Variants in MEGF11 observed in about 807,000 individuals in gnomAD.
The protein encoded by MEGF11 is multiple epidermal growth factor-like domains protein 11.
A neutral mutation model predicts 146.6 loss-of-function variants in MEGF11; 126 were observed. That is an observed-to-expected ratio of 0.86 (90% CI 0.74 to 1.00). The LOEUF (loss-of-function observed/expected upper bound fraction) is 1.00, where lower values mean the gene tolerates loss of function less well. Ranked by LOEUF, MEGF11 falls within the 50% of genes least tolerant of loss-of-function variation. The probability of loss-of-function intolerance (pLI) is 0.00; values close to 1 mark genes in which losing one functional copy is unlikely to be tolerated. For missense variants in MEGF11, 1,509 were observed against 1,521.2 expected, an observed-to-expected ratio of 0.99 and a Z score of 0.13; for synonymous variants, 532 against 583.4, an observed-to-expected ratio of 0.91 and a Z score of 1.27.
rs77078737 is a variant in MEGF11 at position 66,071,792 on chromosome 15, C to T, written c.394+22610G>A. Among the ~76,000 whole-genome samples the T allele has an allele frequency of 5.5e-3, 836 of 152,340 alleles. 7 individuals carry two copies. The highest frequency in any genetic ancestry group is 0.019 in the African/African-American group (805 of 41,572). On this transcript the variant is annotated intron_variant, in intron 5 of 25. Coordinates refer to ENST00000395614, the MANE Select transcript of MEGF11 (RefSeq NM_001385028.1). ...ATTAAAAGAAAGCTGGTTCCAACTC[C>T]GCATTCCTCCCTGCCCATAGTTCTT...
intron 24 of MEGF11, among the ~76,000 whole-genome samples, chr15:65,901,188 C>T (rs561624674): frequency 8.6e-4 from 131 of 152,252 alleles, no homozygotes; most frequent in African/African-American, 3.0e-3. Context: ...CCAAGAACCC[C>T]AGCATGGCCC....
intron 1 of MEGF11, among the ~76,000 whole-genome samples, chr15:66,148,860 C>T (rs1427245611): frequency 2.0e-5 from 3 of 152,226 alleles, no homozygotes; most frequent in African/African-American, 7.2e-5. Flanking sequence ...GTCTGTCCCA[C>T]CACTTCACTC....
rs140138548 is a variant in MEGF11 at position 65,990,278 on chromosome 15, C to T, written c.395-7790G>A. 4.3e-3 allele frequency among the ~76,000 whole-genome samples: 649 copies of T among 152,212 alleles called. 12 individuals carry two copies. The highest frequency in any genetic ancestry group is 0.015 in the African/African-American group (607 of 41,540). ...CCATTCAGAAATACTGGGCCAGATGCGGTGGCTCACACCTGTAATCCCAAC... is the reference window on the plus strand; with the variant it reads ...CCATTCAGAAATACTGGGCCAGATGTGGTGGCTCACACCTGTAATCCCAAC... On this transcript the variant is annotated intron_variant, in intron 5 of 25. Transcript: ENST00000395614.
intron 5 of MEGF11, among the ~76,000 whole-genome samples, chr15:66,071,834 A>G (rs1185634489): frequency 6.6e-6 from 1 of 152,176 alleles, no homozygotes; most frequent in African/African-American, 2.4e-5. Flanking sequence ...ATGGGGCAAT[A>G]TGTGTCATCT....
intron 13 of MEGF11, among the ~76,000 whole-genome samples, chr15:65,924,349 G>A (rs1596847431): frequency 6.7e-6 from 1 of 149,796 alleles, no homozygotes; most frequent in Non-Finnish European, 1.5e-5. Flanking sequence ...GGAAATGGTT[G>A]CGGGTGGGTA....
intron 1 of MEGF11, among the ~76,000 whole-genome samples, chr15:66,168,857 G>T (rs750752251): frequency 2.0e-5 from 3 of 152,100 alleles, no homozygotes; most frequent in African/African-American, 7.2e-5. Flanking sequence ...GCGTGGTGGC[G>T]CATGCCTGTA....
intron 1 of MEGF11, among the ~76,000 whole-genome samples, chr15:66,203,321 T>C (rs909816706): frequency 6.6e-6 from 1 of 152,136 alleles, no homozygotes; most frequent in Non-Finnish European, 1.5e-5. Context: ...TTCTTTGCAG[T>C]GGAAGGGAAA....
chr15:66,098,880 C>G (rs912469176), intron 4 of MEGF11, among the ~76,000 whole-genome samples: 1 of 152,190 alleles, frequency 6.6e-6, no homozygotes, highest in Non-Finnish European at 1.5e-5. Context: ...AAGGGGAATT[C>G]TAAAACACTT....
At chr15:66,148,849 C>T (rs144475796) in intron 1 of MEGF11, among the ~76,000 whole-genome samples, 327 of 152,316 alleles carry the variant, frequency 2.1e-3, no homozygotes, top group African/African-American at 7.2e-3. Context: ...AGGCAGGAAC[C>T]GTCTGTCCCA....
intron 5 of MEGF11, among the ~76,000 whole-genome samples, chr15:66,063,625 T>C (rs1202803683): frequency 2.6e-5 from 4 of 152,140 alleles, no homozygotes; most frequent in African/African-American, 9.7e-5. Flanking sequence ...TCTGCCTGGG[T>C]ACAAGGGCCC....
At chr15:65,917,566 A>G (rs1414281699) in intron 16 of MEGF11, among the ~76,000 whole-genome samples, 1 of 152,084 alleles carries the variant, frequency 6.6e-6, no homozygotes. Flanking sequence ...CATCATTCAC[A>G]TGGGCCACCC....
chr15:66,145,232 ACT>A, intron 1 of MEGF11, among the ~76,000 whole-genome samples: 1 of 152,120 alleles, frequency 6.6e-6, no homozygotes, highest in East Asian at 1.9e-4. Flanking sequence ...TCTAATGATA[ACT>A]CTGTGAGCTG....
rs79112253 is a variant in MEGF11 at position 66,052,094 on chromosome 15, A to G, written c.394+42308T>C. ...GCGCACAGGTGAGATTTATGTGGGTAGGGGTGAGCATCCATCATCCCCACT... is the reference window on the plus strand; with the variant it reads ...GCGCACAGGTGAGATTTATGTGGGTGGGGGTGAGCATCCATCATCCCCACT... On this transcript the variant is annotated intron_variant, in intron 5 of 25. Transcript: ENST00000395614. 3.4e-3 allele frequency among the ~76,000 whole-genome samples: 515 copies of G among 152,328 alleles called. 1 individual carries two copies. Among genetic ancestry groups the G allele is most frequent in the African/African-American group, 0.012 (498 of 41,572 alleles).
intron 10 of MEGF11, among the ~76,000 whole-genome samples, chr15:65,932,257 A>C (rs1043529723): frequency 2.6e-5 from 4 of 152,098 alleles, no homozygotes; most frequent in African/African-American, 9.7e-5. Context: ...CTGGCCATCC[A>C]CTGGGATGGG....
intron 4 of MEGF11, among the ~76,000 whole-genome samples, chr15:66,110,473 G>A (rs2087336499): frequency 6.6e-6 from 1 of 152,166 alleles, no homozygotes; most frequent in Admixed American, 6.5e-5. Flanking sequence ...GGGTGGACGG[G>A]CAGCTATGCC....
chr15:65,914,105 T>A, intron 19 of MEGF11, 132 bp from the exon 20 acceptor site: 1 of 679,840 alleles, frequency 1.5e-6, no homozygotes, highest in Non-Finnish European at 2.5e-6. Context: ...GATTCCTGAG[T>A]CCCTATGTGA....
intron 4 of MEGF11, among the ~76,000 whole-genome samples, chr15:66,118,185 A>G (rs2087827686): frequency 6.6e-6 from 1 of 151,976 alleles, no homozygotes; most frequent in South Asian, 2.1e-4. Context: ...AGTAGAGGGA[A>G]CCTTCTAAGG....
chr15:65,957,764 A>G, intron 9 of MEGF11, 43 bp from the exon 10 acceptor site: 1 of 1,600,270 alleles, frequency 6.2e-7, no homozygotes, highest in Non-Finnish European at 8.6e-7. Context: ...TTGTTCTGGG[A>G]AGCAGCCATG....
At chr15:66,144,749 A>G (rs1277273672) in intron 1 of MEGF11, among the ~76,000 whole-genome samples, 1 of 152,196 alleles carries the variant, frequency 6.6e-6, no homozygotes, top group Non-Finnish European at 1.5e-5. Flanking sequence ...TAGACTGTCA[A>G]TGAACAAACC....
Sources: allele counts gnomAD v4.1 joint callset (sites outside exome capture counted in the v4.1 genomes callset), GRCh38; gene constraint gnomAD v4.1.1; transcripts MANE v1.5; gene names NCBI Gene and HGNC (gene_info 2026-07-23, HGNC 2026-07-21).